AXDND1: variants seen among roughly 807,000 people sequenced by gnomAD.
The protein encoded by AXDND1 is axonemal dynein light chain domain-containing protein 1.
AXDND1 carries 110 observed loss-of-function variants against 137.5 expected under a neutral mutation model. The ratio of observed to expected loss-of-function variants is 0.80; its 90% CI spans 0.69 to 0.94. The LOEUF is 0.94. Among genes scored for constraint, AXDND1 ranks in the 40% least tolerant of loss-of-function variants. The pLI, the probability that AXDND1 is intolerant of heterozygous loss-of-function variation, is 0.00. For missense variants in AXDND1, 1,191 were observed against 1,169.8 expected (o/e 1.02, Z -0.26); for synonymous variants, 414 against 399.7 (o/e 1.04, Z -0.43).
intron 12 of AXDND1, among the ~76,000 whole-genome samples, chr1:179,413,166 C>T (rs1324931331): frequency 6.7e-6 from 1 of 149,406 alleles, no homozygotes; most frequent in Non-Finnish European, 1.5e-5. Flanking sequence ...TGAACATTTA[C>T]ATACACTCGT....
rs77383574 is a variant in AXDND1 at position 179,488,751 on chromosome 1, T to C, written c.2092-2787T>C. The stretch of plus-strand genomic sequence containing the variant: ...TTCTCTCTCTCTCTTTCTTTTTTTT[T>C]TGAAATGGAGTCTCGCTCTGTCACC... On this transcript the variant is annotated intron_variant, in intron 18 of 25. Transcript: ENST00000367618. Among the ~76,000 whole-genome samples the C allele has an allele frequency of 1.5e-4, 21 of 139,928 alleles. 2 individuals are homozygous for C. The highest frequency in any genetic ancestry group is 5.4e-4 in the African/African-American group (19 of 35,408). 91.8% of individuals were successfully genotyped at this position (139,928 alleles called of 152,430 possible). A position where few individuals can be genotyped will look rare whatever the true frequency, so the allele number is the denominator to read the frequency against.
chr1:179,400,612 A>G (rs982252810), intron 11 of AXDND1, among the ~76,000 whole-genome samples: 4 of 151,190 alleles, frequency 2.6e-5, no homozygotes, highest in South Asian at 2.1e-4. Flanking sequence ...AAAAAAAAAA[A>G]AGAGAAGATG....
At chr1:179,526,211 A>C (rs1373105796) in intron 22 of AXDND1, among the ~76,000 whole-genome samples, 4 of 151,720 alleles carry the variant, frequency 2.6e-5, no homozygotes, top group African/African-American at 9.7e-5. Context: ...CCCCGTCTCA[A>C]CCCCCGCAGG....
At chr1:179,536,620 T>C (rs548547508) in intron 25 of AXDND1, among the ~76,000 whole-genome samples, 183 of 152,342 alleles carry the variant, frequency 1.2e-3, no homozygotes, top group African/African-American at 4.2e-3. Flanking sequence ...CGTAGCCTTG[T>C]AGTATAGTTT....
intron 12 of AXDND1, among the ~76,000 whole-genome samples, chr1:179,426,469 T>A (rs539249163): frequency 3.3e-5 from 5 of 151,914 alleles, no homozygotes; most frequent in Non-Finnish European, 4.4e-5. Context: ...ATGATAAACA[T>A]GAACATTTGC....
intron 17 of AXDND1, among the ~76,000 whole-genome samples, chr1:179,474,624 A>T (rs1198602648): frequency 2.0e-5 from 3 of 152,190 alleles, no homozygotes; most frequent in Admixed American, 2.0e-4. Context: ...TGAACTAGAG[A>T]GAGATGATTT....
At chr1:179,444,676 G>C (rs936272046) in intron 15 of AXDND1, among the ~76,000 whole-genome samples, 1 of 146,334 alleles carries the variant, frequency 6.8e-6, no homozygotes, top group Admixed American at 7.0e-5. Flanking sequence ...GCTTAGCTTT[G>C]TAGGACTTAA....
At chr1:179,533,726 A>G (rs955926341) in intron 23 of AXDND1, 69 bp from the exon 24 acceptor site, 4 of 1,235,602 alleles carry the variant, frequency 3.2e-6, no homozygotes, top group Non-Finnish European at 4.7e-6. Flanking sequence ...GATCCAGAAC[A>G]TCCTAAAAAA....
rs192899918 is a variant in AXDND1 at position 179,406,189 on chromosome 1, T to C, written c.1110-4957T>C. On this transcript the variant is annotated intron_variant, in intron 11 of 25. Transcript: ENST00000367618. ...TCCAAAGTTTCTCTTGTTATTAATT[T>C]CTAGTTTTACTTCATTGTGGTCCAA... 1.0e-2 allele frequency among the ~76,000 whole-genome samples: 1,520 copies of C among 152,290 alleles called. 21 individuals carry two copies. Among genetic ancestry groups the C allele is most frequent in the African/African-American group, 0.033 (1,354 of 41,562 alleles).
chr1:179,481,338 A>T (rs1270593197), intron 17 of AXDND1, among the ~76,000 whole-genome samples: 1 of 152,102 alleles, frequency 6.6e-6, no homozygotes. Flanking sequence ...GCTGCATAGT[A>T]TTCCATGGTG....
chr1:179,507,198 T>C (rs570558624), intron 20 of AXDND1, among the ~76,000 whole-genome samples: 1 of 152,352 alleles, frequency 6.6e-6, no homozygotes, highest in Admixed American at 6.5e-5. Context: ...AAGAGATTCA[T>C]GGGTATTAAT....
chr1:179,366,189 G>A, intron 1 of AXDND1, 189 bp downstream of exon 1: 1 of 169,122 alleles, frequency 5.9e-6, no homozygotes, highest in Non-Finnish European at 1.3e-5. Context: ...GGCGGTCTGC[G>A]GGGTCCGCCG....
intron 16 of AXDND1, chr1:179,456,603 C>T: frequency 1.2e-6 from 1 of 808,650 alleles, no homozygotes; most frequent in East Asian, 2.5e-5. Context: ...ATTACCAAAC[C>T]CATTATAGCC....
chr1:179,552,327 A>G (rs1366831666), intron 25 of AXDND1: 1 of 513,890 alleles, frequency 1.9e-6, no homozygotes, highest in Middle Eastern at 5.5e-4. Flanking sequence ...AGAGGGATTG[A>G]TGTGTGTGGA....
At chr1:179,380,647 A>G (rs1160236005) in intron 6 of AXDND1, among the ~76,000 whole-genome samples, 2 of 152,228 alleles carry the variant, frequency 1.3e-5, no homozygotes, top group Non-Finnish European at 2.9e-5. Flanking sequence ...AGGTTTTATA[A>G]TAAAATATCC....
chr1:179,367,154 G>A (rs1667512882), intron 2 of AXDND1, among the ~76,000 whole-genome samples: 1 of 151,476 alleles, frequency 6.6e-6, no homozygotes, highest in Non-Finnish European at 1.5e-5. Flanking sequence ...CCCAGGAGGT[G>A]AGGTTGCAGT....
intron 17 of AXDND1, among the ~76,000 whole-genome samples, chr1:179,477,910 A>G (rs1664834199): frequency 6.6e-6 from 1 of 152,220 alleles, no homozygotes; most frequent in African/African-American, 2.4e-5. Context: ...CAGGCATTCC[A>G]AATGGGAGAA....
chr1:179,543,339 G>A (rs1057439825), intron 25 of AXDND1: 2 of 152,194 alleles, frequency 1.3e-5, no homozygotes, highest in African/African-American at 4.8e-5. Context: ...TCTCAGTGGG[G>A]TCTACAGTTG....
intron 9 of AXDND1, among the ~76,000 whole-genome samples, chr1:179,387,575 A>G (rs961294735): frequency 6.6e-6 from 1 of 152,238 alleles, no homozygotes; most frequent in Non-Finnish European, 1.5e-5. Flanking sequence ...GTCATGAATT[A>G]TGCCTTATTT....
Sources: allele counts gnomAD v4.1 joint callset (sites outside exome capture counted in the v4.1 genomes callset), GRCh38; gene constraint gnomAD v4.1.1; transcripts MANE v1.5; gene names NCBI Gene and HGNC (gene_info 2026-07-23, HGNC 2026-07-21).